Variants in KLHL13 observed in about 807,000 individuals in gnomAD.
KLHL13 encodes kelch like family member 13, also known as kelch-like protein 13.
A neutral mutation model predicts 37.1 loss-of-function variants in KLHL13; 10 were observed. That is an observed-to-expected ratio of 0.27 (90% CI 0.17 to 0.46). KLHL13 has a LOEUF of 0.46. Among genes scored for constraint, KLHL13 ranks in the 20% least tolerant of loss-of-function variants. KLHL13 has a pLI of 1.00. For missense variants in KLHL13, 360 were observed against 509.3 expected, an observed-to-expected ratio of 0.71 and a Z score of 2.82; for synonymous variants, 163 against 181.2, an observed-to-expected ratio of 0.90 and a Z score of 0.81.
intron 5 of KLHL13, among the ~76,000 whole-genome samples, chrX:117,905,509 A>G (rs1416834191): frequency 1.5e-4 from 16 of 107,911 alleles, no homozygotes; most frequent in African/African-American, 5.0e-4. Flanking sequence ...GTGCGTGCAC[A>G]CACACACACA....
intron 1 of KLHL13, among the ~76,000 whole-genome samples, chrX:118,017,257 CTTA>C (rs1054004699): frequency 1.5e-4 from 17 of 111,483 alleles, no homozygotes; most frequent in Admixed American, 1.3e-3. Flanking sequence ...TACTTTGCTC[CTTA>C]TTATTATAAT....
chrX:117,994,741 C>T (rs1308885100), intron 1 of KLHL13, among the ~76,000 whole-genome samples: 1 of 111,825 alleles, frequency 8.9e-6, no homozygotes, highest in Non-Finnish European at 1.9e-5. Context: ...ACATCTCGTT[C>T]AACTTTCATA....
intron 5 of KLHL13, among the ~76,000 whole-genome samples, chrX:117,906,862 A>G (rs1930578983): frequency 9.0e-6 from 1 of 111,331 alleles, no homozygotes; most frequent in African/African-American, 3.3e-5. Flanking sequence ...AACTAGAATT[A>G]GAATTCTTGG....
intron 1 of KLHL13, among the ~76,000 whole-genome samples, chrX:118,041,900 G>A (rs1339144097): frequency 1.8e-5 from 2 of 111,520 alleles, no homozygotes; most frequent in South Asian, 3.7e-4. Flanking sequence ...TCCTACAATC[G>A]AAAGACACAG....
At chrX:118,079,739 G>A (rs1401471233) in intron 1 of KLHL13, among the ~76,000 whole-genome samples, 2 of 111,200 alleles carry the variant, frequency 1.8e-5, no homozygotes, top group South Asian at 3.8e-4. Flanking sequence ...CAGATTCAAC[G>A]TTATTCTTAT....
chrX:117,943,323 G>A (rs962810530), intron 2 of KLHL13, among the ~76,000 whole-genome samples: 2 of 110,750 alleles, frequency 1.8e-5, no homozygotes, highest in Admixed American at 1.9e-4. Context: ...CTCTTCTTGA[G>A]GAGTATCTTT....
At chrX:117,920,499 G>A in intron 2 of KLHL13, 129 bp from the exon 4 acceptor site, 1 of 660,261 alleles carries the variant, frequency 1.5e-6, no homozygotes, top group Non-Finnish European at 2.2e-6. Flanking sequence ...GAATATTCGG[G>A]AGAAGAAAAA....
intron 1 of KLHL13, among the ~76,000 whole-genome samples, chrX:118,074,656 T>G (rs1193567353): frequency 1.8e-5 from 2 of 112,098 alleles, no homozygotes; most frequent in African/African-American, 3.2e-5. Context: ...ATATAAAATC[T>G]CTGTGCCCAT....
chrX:117,914,317 T>C (rs1226428005), intron 4 of KLHL13: 1 of 109,812 alleles, frequency 9.1e-6, no homozygotes. Context: ...GATCAATTAG[T>C]TGTAAACACC....
rs139852020 is a variant in KLHL13, at chrX:117,932,115, A to T, written c.241-11745T>A. 9.2e-3 allele frequency among the ~76,000 whole-genome samples: 1,029 copies of T among 111,551 alleles called. 17 individuals carry two copies. The highest frequency in any genetic ancestry group is 0.031 in the African/African-American group (955 of 30,717). On this transcript the variant is annotated intron_variant, in intron 2 of 6. Coordinates refer to ENST00000262820, the Ensembl canonical transcript of KLHL13. ...ATGTTTCAATGCATGTATACATAGT[A>T]TAATGAACAAATCAGGGTAATTATT... is the stretch of plus-strand genomic sequence containing the variant.
chrX:117,925,889 C>T (rs1422857771), intron 2 of KLHL13, among the ~76,000 whole-genome samples: 1 of 111,134 alleles, frequency 9.0e-6, no homozygotes, highest in Non-Finnish European at 1.9e-5. Flanking sequence ...GGGGTTTCAT[C>T]ATGTTACCCA....
At chrX:118,066,655 T>C (rs1282409428) in intron 1 of KLHL13, among the ~76,000 whole-genome samples, 2 of 111,072 alleles carry the variant, frequency 1.8e-5, no homozygotes, top group Admixed American at 1.9e-4. Flanking sequence ...TTTATCAAAT[T>C]ACAATATTTT....
chrX:118,084,792 C>T (rs141407952), intron 1 of KLHL13, among the ~76,000 whole-genome samples: 59 of 111,102 alleles, frequency 5.3e-4, no homozygotes, highest in African/African-American at 1.9e-3. Flanking sequence ...TTTGGAAGGC[C>T]GAGGCGGATG....
chrX:118,053,835 G>A (rs2054650310), intron 1 of KLHL13, among the ~76,000 whole-genome samples: 1 of 38,956 alleles, frequency 2.6e-5, no homozygotes. Flanking sequence ...GAGAGAGAGA[G>A]AGAGAGAGAG....
At chrX:118,107,552 A>G (rs1217625159) in intron 1 of KLHL13, among the ~76,000 whole-genome samples, 1 of 112,317 alleles carries the variant, frequency 8.9e-6, no homozygotes, top group East Asian at 2.8e-4. Context: ...AAGTATAGTT[A>G]TATTTCATAT....
chrX:118,038,554 A>T (rs886243020), intron 1 of KLHL13, among the ~76,000 whole-genome samples: 2 of 111,275 alleles, frequency 1.8e-5, no homozygotes, highest in Non-Finnish European at 3.8e-5. Flanking sequence ...CTGTCAGAGT[A>T]GAGAGCAACA....
intron 1 of KLHL13, among the ~76,000 whole-genome samples, chrX:118,010,663 C>T (rs1309313724): frequency 1.1e-5 from 1 of 93,065 alleles, no homozygotes; most frequent in South Asian, 6.0e-4. Flanking sequence ...GTGGGTGCAG[C>T]GCACCAGCAT....
upstream of KLHL13, chrX:117,973,940 C>T (rs2053566144): frequency 8.9e-6 from 1 of 112,925 alleles, no homozygotes; most frequent in Non-Finnish European, 1.8e-5. Flanking sequence ...ACAGCGGGTC[C>T]GGTAACCTAT....
At chrX:118,045,525 C>G (rs911645776) in intron 1 of KLHL13, among the ~76,000 whole-genome samples, 15 of 109,998 alleles carry the variant, frequency 1.4e-4, no homozygotes, top group Admixed American at 1.1e-3. Context: ...CACTGAGGGC[C>G]AGACATGATG....
Sources: allele counts gnomAD v4.1 joint callset (sites outside exome capture counted in the v4.1 genomes callset), GRCh38; gene constraint gnomAD v4.1.1; transcripts MANE v1.5; gene names NCBI Gene and HGNC (gene_info 2026-07-23, HGNC 2026-07-21).